Variants in RGS8 observed in about 807,000 individuals in gnomAD.
The protein encoded by RGS8 is regulator of G-protein signaling 8.
Under a neutral mutation model 21.7 loss-of-function variants are expected in RGS8, and 8 were observed. The ratio of observed to expected loss-of-function variants is 0.37; its 90% CI spans 0.22 to 0.66. RGS8 has a LOEUF of 0.66. Ranked by LOEUF, RGS8 falls within the 30% of genes least tolerant of loss-of-function variation. RGS8 has a pLI of 0.59. For missense variants in RGS8, 157 were observed against 217.9 expected, an observed-to-expected ratio of 0.72 and a Z score of 1.76; for synonymous variants, 80 against 83.6, an observed-to-expected ratio of 0.96 and a Z score of 0.24.
the RGS8 span, among the ~76,000 whole-genome samples, chr1:182,724,238 A>C: frequency 8.0e-6 from 1 of 124,724 alleles, no homozygotes; most frequent in African/African-American, 3.0e-5. Flanking sequence ...ATATATATAT[A>C]TATATATATC....
rs141623792 is a variant in RGS8, at chr1:182,663,019, G to A, written c.193+2950C>T. 2.0e-3 allele frequency among the ~76,000 whole-genome samples: 301 copies of A among 152,272 alleles called. 3 individuals are homozygous for A. The highest frequency in any genetic ancestry group is 7.0e-3 in the African/African-American group (291 of 41,532). ...TCTTAAGGGGGACAGCTGCCTACAT[G>A]TAGAGAATTACCAGGGAGTGGGTTC... is the stretch of plus-strand genomic sequence containing the variant. On this transcript the variant is annotated intron_variant, in intron 5 of 6. Transcript: ENST00000483095.
intron 1 of RGS8, among the ~76,000 whole-genome samples, chr1:182,682,107 T>C (rs1345502044): frequency 1.3e-5 from 2 of 152,160 alleles, no homozygotes; most frequent in African/African-American, 4.8e-5. Flanking sequence ...ACAGAGAGCC[T>C]GGAATAGAAT....
chr1:182,750,949 T>C, the RGS8 span, among the ~76,000 whole-genome samples: 10 of 152,232 alleles, frequency 6.6e-5, no homozygotes, highest in Admixed American at 6.5e-4. Flanking sequence ...TATTTCTGAT[T>C]TGGCTTTAAA....
the RGS8 span, among the ~76,000 whole-genome samples, chr1:182,695,399 C>T: frequency 6.6e-6 from 1 of 152,184 alleles, no homozygotes; most frequent in South Asian, 2.1e-4. Context: ...CATTTTAGCA[C>T]ACTCAGAGCT....
chr1:182,672,032 C>T, upstream of RGS8: 1 of 681,182 alleles, frequency 1.5e-6, no homozygotes, highest in Non-Finnish European at 2.1e-6. Flanking sequence ...CTCAGCCTCA[C>T]TAACCTGAAG....
At chr1:182,667,326 G>T (rs909848282) in intron 3 of RGS8, among the ~76,000 whole-genome samples, 1 of 152,332 alleles carries the variant, frequency 6.6e-6, no homozygotes, top group South Asian at 2.1e-4. Flanking sequence ...TTTTCCACAA[G>T]GAGGGCAAAG....
At chr1:182,742,270 G>A in the RGS8 span, among the ~76,000 whole-genome samples, 1 of 150,898 alleles carries the variant, frequency 6.6e-6, no homozygotes, top group African/African-American at 2.4e-5. Context: ...CAGCCAGGCA[G>A]AGGGGCTCCT....
the RGS8 span, among the ~76,000 whole-genome samples, chr1:182,698,967 G>T: frequency 2.6e-5 from 4 of 152,174 alleles, no homozygotes; most frequent in Non-Finnish European, 5.9e-5. Flanking sequence ...TAAGCGCCCA[G>T]AGACTTATTG....
At chr1:182,751,905 C>A in the RGS8 span, among the ~76,000 whole-genome samples, 1 of 152,130 alleles carries the variant, frequency 6.6e-6, no homozygotes, top group Non-Finnish European at 1.5e-5. Context: ...ATATTGGGTT[C>A]TGGTTGTTTT....
At chr1:182,700,199 T>C in the RGS8 span, among the ~76,000 whole-genome samples, 2 of 152,210 alleles carry the variant, frequency 1.3e-5, no homozygotes, top group Non-Finnish European at 2.9e-5. Flanking sequence ...GGCCGGGTCC[T>C]GCACGGTTAT....
the RGS8 span, among the ~76,000 whole-genome samples, chr1:182,741,888 C>T: frequency 6.3e-5 from 9 of 143,360 alleles, no homozygotes; most frequent in Non-Finnish European, 1.4e-4. Flanking sequence ...GGCTGACCCC[C>T]CCACCTCCCT....
chr1:182,658,575 A>T (rs1663398012), intron 5 of RGS8: 1 of 152,268 alleles, frequency 6.6e-6, no homozygotes, highest in Non-Finnish European at 1.5e-5. Context: ...ACTAATAGTG[A>T]TGCCAAAACT....
chr1:182,707,840 G>T, the RGS8 span, among the ~76,000 whole-genome samples: 1 of 152,030 alleles, frequency 6.6e-6, no homozygotes, highest in East Asian at 1.9e-4. Flanking sequence ...CCGAGTGGCG[G>T]GGACTACAGG....
chr1:182,655,885 C>T (rs180871423), intron 5 of RGS8, among the ~76,000 whole-genome samples: 1 of 152,266 alleles, frequency 6.6e-6, no homozygotes, highest in East Asian at 1.9e-4. Context: ...TACATTAACT[C>T]AATCCTTACA....
chr1:182,647,064 C>T, intron 6 of RGS8, 147 bp from the exon 8 acceptor site: 2 of 681,540 alleles, frequency 2.9e-6, no homozygotes, highest in Non-Finnish European at 2.5e-6. Flanking sequence ...TGGAGGTCAT[C>T]CCTTTTGATC....
upstream of RGS8, among the ~76,000 whole-genome samples, chr1:182,685,896 A>G (rs1357536726): frequency 6.6e-6 from 1 of 152,180 alleles, no homozygotes; most frequent in Non-Finnish European, 1.5e-5. Flanking sequence ...TAGGTGACCC[A>G]GTGGAGGAGA....
the RGS8 span, among the ~76,000 whole-genome samples, chr1:182,713,553 A>T: frequency 1.3e-5 from 2 of 152,080 alleles, no homozygotes; most frequent in Non-Finnish European, 2.9e-5. Flanking sequence ...TACAAATCTA[A>T]TCACCTTACC....
the RGS8 span, among the ~76,000 whole-genome samples, chr1:182,739,101 C>T: frequency 6.6e-6 from 1 of 152,144 alleles, no homozygotes; most frequent in Admixed American, 6.5e-5. Flanking sequence ...ACATTTATGG[C>T]TTCTTTCCAT....
the RGS8 span, among the ~76,000 whole-genome samples, chr1:182,710,539 C>T: frequency 3.9e-5 from 6 of 152,118 alleles, no homozygotes; most frequent in African/African-American, 1.4e-4. Flanking sequence ...GTTCAGCCAT[C>T]CCCATAACCC....
Sources: gnomAD v4.1 joint callset for allele counts (sites outside exome capture counted in the v4.1 genomes callset) on GRCh38, gnomAD v4.1.1 for gene constraint, MANE v1.5 for transcripts, NCBI Gene and HGNC (gene_info 2026-07-23, HGNC 2026-07-21) for gene names.